PDE10A: variants seen among roughly 807,000 people sequenced by gnomAD.
The protein encoded by PDE10A is cAMP and cAMP-inhibited cGMP 3',5'-cyclic phosphodiesterase 10A.
PDE10A carries 39 observed loss-of-function variants against 97.7 expected under a neutral mutation model. The observed-to-expected ratio is 0.40, with a 90% CI of 0.31 to 0.52. The LOEUF is 0.52. PDE10A is among the 20% of genes least tolerant of loss of function. The pLI, the probability that PDE10A is intolerant of heterozygous loss-of-function variation, is 0.56. For missense variants in PDE10A, 731 were observed against 1,047.8 expected, an observed-to-expected ratio of 0.70 and a Z score of 4.17; for synonymous variants, 371 against 376.8, an observed-to-expected ratio of 0.98 and a Z score of 0.18.
chr6:165,649,857 T>C (rs1789587257), intron 1 of PDE10A, among the ~76,000 whole-genome samples: 1 of 152,232 alleles, frequency 6.6e-6, no homozygotes, highest in Non-Finnish European at 1.5e-5. Flanking sequence ...CAGATGAAAC[T>C]GGCTGGGCAG....
chr6:165,368,825 C>A (rs1276197779), intron 18 of PDE10A, among the ~76,000 whole-genome samples: 1 of 152,174 alleles, frequency 6.6e-6, no homozygotes, highest in Non-Finnish European at 1.5e-5. Flanking sequence ...TGGGAGGCAC[C>A]CCCAAGTAGG....
chr6:165,667,293 C>T (rs1774335376), upstream of PDE10A, among the ~76,000 whole-genome samples: 1 of 152,000 alleles, frequency 6.6e-6, no homozygotes, highest in Non-Finnish European at 1.5e-5. Context: ...GATTTTGGTG[C>T]ACGCATTACC....
intron 1 of PDE10A, among the ~76,000 whole-genome samples, chr6:165,692,153 G>C (rs4424058): frequency 1.4e-4 from 22 of 152,136 alleles, no homozygotes; most frequent in South Asian, 4.1e-4. Context: ...GCCATGCAGC[G>C]TGACAGGGAG....
intron 13 of PDE10A, among the ~76,000 whole-genome samples, chr6:165,400,060 G>A (rs1057355565): frequency 1.2e-4 from 19 of 152,156 alleles, no homozygotes; most frequent in African/African-American, 4.6e-4. Context: ...AGGCTGCAAA[G>A]GCGAGGCCAT....
intron 1 of PDE10A, among the ~76,000 whole-genome samples, chr6:165,947,412 G>C (rs997893186): frequency 6.6e-6 from 1 of 152,096 alleles, no homozygotes; most frequent in African/African-American, 2.4e-5. Flanking sequence ...TCAATGTCTA[G>C]ATCTGCATTA....
intron 1 of PDE10A, among the ~76,000 whole-genome samples, chr6:165,544,370 A>G (rs1783626831): frequency 6.6e-6 from 1 of 152,222 alleles, no homozygotes; most frequent in Non-Finnish European, 1.5e-5. Flanking sequence ...ATTTGCAAAC[A>G]AAGTATTTTC....
At chr6:165,840,682 G>C (rs1373470405) in intron 1 of PDE10A, among the ~76,000 whole-genome samples, 2 of 152,154 alleles carry the variant, frequency 1.3e-5, no homozygotes, top group Non-Finnish European at 2.9e-5. Context: ...ACTCGAAATG[G>C]TTACCTTGAC....
chr6:165,655,347 C>A lies in PDE10A; in HGVS notation c.865+6600G>T, dbSNP rs1322018517. On this transcript the variant is annotated intron_variant, in intron 1 of 21. Transcript: ENST00000539869. This position sits in a 1 kb window ranked among gnomAD's most constrained non-coding sequence, Gnocchi z 4.5. The stretch of plus-strand genomic sequence containing the variant: ...ATATGCATCTCAGGCTGAACACCAC[C>A]AAACGCCACGCCTGATTCCTTGCGC... Among the ~76,000 whole-genome samples the A allele has an allele frequency of 6.6e-6, 1 of 152,162 alleles. No homozygotes were observed. The highest frequency in any genetic ancestry group is 1.9e-4 in the East Asian group (1 of 5,178).
At chr6:165,492,208 T>C (rs907270418) in intron 2 of PDE10A, among the ~76,000 whole-genome samples, 5 of 152,076 alleles carry the variant, frequency 3.3e-5, no homozygotes, top group Admixed American at 6.6e-5. Flanking sequence ...GAGATTGAAA[T>C]GGTAATTAAA....
chr6:165,511,775 T>C (rs576512912), intron 2 of PDE10A, among the ~76,000 whole-genome samples: 50 of 152,162 alleles, frequency 3.3e-4, no homozygotes, highest in African/African-American at 1.2e-3. Flanking sequence ...CATGATCTCA[T>C]TTGTATTTCT....
chr6:165,500,920 A>G (rs1397745153), intron 2 of PDE10A, among the ~76,000 whole-genome samples: 1 of 152,302 alleles, frequency 6.6e-6, no homozygotes, highest in Non-Finnish European at 1.5e-5. Flanking sequence ...ATGTTTGTGT[A>G]CGTGCACATC....
chr6:165,669,491 TG>T (rs1221650708), intron 1 of PDE10A, among the ~76,000 whole-genome samples: 1 of 152,236 alleles, frequency 6.6e-6, no homozygotes, highest in Non-Finnish European at 1.5e-5. Flanking sequence ...ATTTTCCTGA[TG>T]GTGAAAGATA....
chr6:165,801,578 A>G (rs1778988362), intron 1 of PDE10A, among the ~76,000 whole-genome samples: 4 of 152,242 alleles, frequency 2.6e-5, no homozygotes, highest in Admixed American at 2.0e-4. Flanking sequence ...TCAACATTTT[A>G]TCTTGCCATA....
chr6:165,370,070 C>T (rs1784117309), intron 18 of PDE10A, among the ~76,000 whole-genome samples: 1 of 152,020 alleles, frequency 6.6e-6, no homozygotes, highest in African/African-American at 2.4e-5. Context: ...ACAAGAGCTC[C>T]TGAAGGAAGC....
At chr6:165,920,741 GA>G (rs1406874804) in intron 1 of PDE10A, among the ~76,000 whole-genome samples, 1 of 151,780 alleles carries the variant, frequency 6.6e-6, no homozygotes, top group East Asian at 1.9e-4. Flanking sequence ...TTTTTTTTCT[GA>G]AATGCTATTA....
Position 165,658,800 on chromosome 6 carries a change from G to A in PDE10A, c.865+3147C>T, listed in dbSNP as rs181159887. ...AGCTGGGTGCCTGAGGAGGAGGCCA[G>A]AGATCAGCAACTAGAGGCAGATGGC... On this transcript the variant is annotated intron_variant, in intron 1 of 21. Transcript: ENST00000539869. Among the ~76,000 whole-genome samples the A allele has an allele frequency of 2.9e-4, 44 of 152,354 alleles. 1 individual carries two copies. The highest frequency in any genetic ancestry group is 2.4e-3 in the Admixed American group (37 of 15,308).
intron 3 of PDE10A, among the ~76,000 whole-genome samples, chr6:165,475,716 A>G (rs1459443523): frequency 6.6e-6 from 1 of 152,218 alleles, no homozygotes; most frequent in Non-Finnish European, 1.5e-5. Flanking sequence ...CATGGAATAG[A>G]AATCCAGAGA....
intron 1 of PDE10A, among the ~76,000 whole-genome samples, chr6:165,879,117 G>C (rs1276337526): frequency 6.6e-6 from 1 of 152,160 alleles, no homozygotes; most frequent in East Asian, 1.9e-4. Context: ...ATGTCTCCCA[G>C]CATCTTTTAT....
chr6:165,694,533 G>A (rs1010438378), intron 1 of PDE10A, among the ~76,000 whole-genome samples: 1 of 152,196 alleles, frequency 6.6e-6, no homozygotes, highest in Non-Finnish European at 1.5e-5. Flanking sequence ...CACAGCCACA[G>A]GTGGGGCAGG....
Sources: gnomAD v4.1 joint callset for allele counts (sites outside exome capture counted in the v4.1 genomes callset) on GRCh38, gnomAD v4.1.1 for gene constraint, Gnocchi (gnomAD v3.1) non-coding constraint, MANE v1.5 for transcripts, NCBI Gene and HGNC (gene_info 2026-07-23, HGNC 2026-07-21) for gene names.